The following NMNAT2 variants were observed in gnomAD, a reference collection of about 807,000 sequenced individuals.
NMNAT2 encodes nicotinamide nucleotide adenylyltransferase 2.
In NMNAT2, 11 loss-of-function variants were observed where a neutral mutation model predicts 41.6. The ratio of observed to expected loss-of-function variants is 0.26; its 90% CI spans 0.17 to 0.44. The LOEUF is 0.44. NMNAT2 is among the 20% of genes least tolerant of loss of function. The probability of loss-of-function intolerance (pLI) is 1.00; values close to 1 mark genes in which losing one functional copy is unlikely to be tolerated. For synonymous variants in NMNAT2, 148 were observed against 151.2 expected (o/e 0.98, Z 0.16); for missense variants, 288 against 407.7 (o/e 0.71, Z 2.53).
At chr1:183,368,258 G>A (rs1571622579) in intron 1 of NMNAT2, among the ~76,000 whole-genome samples, 2 of 152,246 alleles carry the variant, frequency 1.3e-5, no homozygotes, top group East Asian at 1.9e-4. Flanking sequence ...CCATTAGCTC[G>A]GAGGGCTTTG....
chr1:183,400,701 G>A (rs955412199), intron 1 of NMNAT2, among the ~76,000 whole-genome samples: 7 of 152,304 alleles, frequency 4.6e-5, no homozygotes, highest in South Asian at 4.1e-4. Context: ...ACATGGTACT[G>A]CTACCAAAAC....
At chr1:183,271,965 C>T (rs1010532721) in intron 8 of NMNAT2, among the ~76,000 whole-genome samples, 13 of 152,130 alleles carry the variant, frequency 8.5e-5, no homozygotes, top group Non-Finnish European at 2.9e-5. Flanking sequence ...GTTGGCCAGG[C>T]TGGTTTTGAA....
At chr1:183,403,424 C>T (rs1317121210) in intron 1 of NMNAT2, among the ~76,000 whole-genome samples, 1 of 149,722 alleles carries the variant, frequency 6.7e-6, no homozygotes, top group African/African-American at 2.5e-5. Context: ...GGGGAAGGGA[C>T]AAGTGAAGAG....
chr1:183,289,143 C>A (rs746326059), intron 4 of NMNAT2, among the ~76,000 whole-genome samples: 2 of 152,210 alleles, frequency 1.3e-5, no homozygotes, highest in African/African-American at 4.8e-5. Flanking sequence ...TGGTGACAGG[C>A]CCTCTGGCAG....
chr1:183,343,916 C>T (rs930796480), intron 1 of NMNAT2, among the ~76,000 whole-genome samples: 2 of 152,124 alleles, frequency 1.3e-5, no homozygotes, highest in Non-Finnish European at 2.9e-5. Flanking sequence ...CTAACTCCAC[C>T]CCCAGCCAAC....
At chr1:183,366,555 G>A (rs569723620) in intron 1 of NMNAT2, among the ~76,000 whole-genome samples, 63 of 152,308 alleles carry the variant, frequency 4.1e-4, no homozygotes, top group African/African-American at 1.5e-3. Flanking sequence ...TATAAAAAGT[G>A]TTATCATTGT....
chr1:183,255,301 C>T (rs976789010), intron 10 of NMNAT2, among the ~76,000 whole-genome samples: 4 of 152,198 alleles, frequency 2.6e-5, no homozygotes, highest in Non-Finnish European at 5.9e-5. Flanking sequence ...CAGTACCATA[C>T]TGTTTTGATT....
intron 8 of NMNAT2, among the ~76,000 whole-genome samples, chr1:183,270,268 G>A (rs1304794175): frequency 1.3e-5 from 2 of 152,098 alleles, no homozygotes; most frequent in South Asian, 2.1e-4. Context: ...TAGCTACTTG[G>A]GAGGCTGGGG....
At chr1:183,402,125 T>C (rs1020360211) in intron 1 of NMNAT2, among the ~76,000 whole-genome samples, 1 of 152,198 alleles carries the variant, frequency 6.6e-6, no homozygotes, top group Non-Finnish European at 1.5e-5. Context: ...TCACATAGCA[T>C]GTTTGCAACT....
In NMNAT2 at chr1:183,290,506, C is replaced by T. The variant is rs1449766745; in HGVS notation, c.243-300G>A. 2.8e-5 allele frequency: 9 copies of T among 315,802 alleles called. No homozygotes were observed. In the East Asian group the frequency reaches 4.9e-4, roughly 17 times the overall value. The allele number at this position is 315,802 out of a possible 1,614,324, so 19.6% of individuals were successfully genotyped here. On this transcript the variant is annotated intron_variant, in intron 3 of 10. Coordinates refer to ENST00000287713, the MANE Select transcript of NMNAT2 (RefSeq NM_015039.4). ...GCTTTGGGAAAGTTATGTGATCTCCCAGTGCCTCACCTTCCCCATCTGTAA... is the reference window on the plus strand; with the variant it reads ...GCTTTGGGAAAGTTATGTGATCTCCTAGTGCCTCACCTTCCCCATCTGTAA...
intron 1 of NMNAT2, among the ~76,000 whole-genome samples, chr1:183,390,069 A>C (rs1000886500): frequency 3.3e-5 from 5 of 152,084 alleles, no homozygotes; most frequent in African/African-American, 1.2e-4. Flanking sequence ...TTTGGAAGGC[A>C]TTAACTACAC....
chr1:183,303,728 G>A (rs1661925010), intron 1 of NMNAT2, among the ~76,000 whole-genome samples: 5 of 152,210 alleles, frequency 3.3e-5, no homozygotes, highest in Admixed American at 1.3e-4. Context: ...GTTTTCCAGT[G>A]AGATAGTTCT....
chr1:183,412,602 T>C lies in NMNAT2; in HGVS notation c.85+5581A>G, dbSNP rs573590838. Reference sequence around the variant, plus strand: ...AGCAGAGAGACCAGTTAAGAAGCTATTGCAATAATTCAAATGAAAGTTAAC... The same window carrying C: ...AGCAGAGAGACCAGTTAAGAAGCTACTGCAATAATTCAAATGAAAGTTAAC... On this transcript the variant is annotated intron_variant, in intron 1 of 10. Coordinates refer to ENST00000287713, the MANE Select transcript of NMNAT2 (RefSeq NM_015039.4). Among the ~76,000 whole-genome samples the C allele has an allele frequency of 5.9e-5, 9 of 152,326 alleles. No individual in the cohort carries two copies. The East Asian group carries it at 1.7e-3, about 29-fold the overall frequency.
At chr1:183,336,314 A>G (rs1220869926) in intron 1 of NMNAT2, among the ~76,000 whole-genome samples, 2 of 152,228 alleles carry the variant, frequency 1.3e-5, no homozygotes, top group Non-Finnish European at 2.9e-5. Flanking sequence ...CAATAACCAC[A>G]TGACAAAGTA....
chr1:183,384,868 G>A (rs1413280972), intron 1 of NMNAT2, among the ~76,000 whole-genome samples: 1 of 152,020 alleles, frequency 6.6e-6, no homozygotes, highest in Non-Finnish European at 1.5e-5. Context: ...GCAGGATATT[G>A]TATATATACT....
At position 183,250,981 on chromosome 1, in the gene NMNAT2, C is replaced by T. The variant is rs200268149; in HGVS notation, c.*1660G>A. The T allele has an allele frequency of 2.6e-5, 4 of 152,140 alleles. No individual in the cohort carries two copies. The highest frequency in any genetic ancestry group is 4.4e-5 in the Non-Finnish European group (3 of 68,028). The allele number at this position is 152,140 out of a possible 1,614,324, so 9.4% of individuals were successfully genotyped here. ...ATACTCAGGGACTATTTCTCAAAGA[C>T]CAGAATCCCAAGAGCCAGAGACTGG... On this transcript the variant is annotated 3_prime_UTR_variant, in exon 11 of 11. Coordinates refer to ENST00000287713, the MANE Select transcript of NMNAT2 (RefSeq NM_015039.4).
chr1:183,259,756 C>A (rs1034783491), intron 10 of NMNAT2, among the ~76,000 whole-genome samples: 15 of 152,064 alleles, frequency 9.9e-5, no homozygotes, highest in Admixed American at 9.8e-4. Context: ...GCTGCCACCA[C>A]GCCCGGCTGA....
chr1:183,304,776 C>T (rs1159937687), intron 1 of NMNAT2: 10 of 1,613,210 alleles, frequency 6.2e-6, no homozygotes, highest in South Asian at 1.1e-5. Context: ...ACTTGCAGCC[C>T]TGTGCTGGCC....
At chr1:183,271,059 T>C (rs1269309459) in intron 8 of NMNAT2, among the ~76,000 whole-genome samples, 1 of 152,182 alleles carries the variant, frequency 6.6e-6, no homozygotes, top group African/African-American at 2.4e-5. Context: ...TGTGGAATGC[T>C]GGGCTTTGAG....
Sources: gnomAD v4.1 joint callset for allele counts (sites outside exome capture counted in the v4.1 genomes callset) on GRCh38, gnomAD v4.1.1 for gene constraint, MANE v1.5 for transcripts, NCBI Gene and HGNC (gene_info 2026-07-23, HGNC 2026-07-21) for gene names.